Variants in ST6GAL1 observed in about 807,000 individuals in gnomAD.
ST6GAL1 encodes the protein ST6 beta-galactoside alpha-2,6-sialyltransferase 1.
In ST6GAL1, 20 loss-of-function variants were observed where a neutral mutation model predicts 38.0. That is an observed-to-expected ratio of 0.53 (90% CI 0.37 to 0.77). ST6GAL1 has a LOEUF of 0.77. ST6GAL1 is among the 30% of genes least tolerant of loss of function. The pLI, the probability that ST6GAL1 is intolerant of heterozygous loss-of-function variation, is 0.00. For missense variants in ST6GAL1, 432 were observed against 496.4 expected (o/e 0.87, Z 1.23); for synonymous variants, 196 against 188.2 (o/e 1.04, Z -0.34).
intron 2 of ST6GAL1, among the ~76,000 whole-genome samples, chr3:187,038,035 T>G (rs1717989556): frequency 6.6e-6 from 1 of 152,012 alleles, no homozygotes; most frequent in South Asian, 2.1e-4. Context: ...TCTTTGAAAA[T>G]AAATAATTTT....
intron 2 of ST6GAL1, among the ~76,000 whole-genome samples, chr3:186,990,564 G>C (rs1468053392): frequency 6.6e-6 from 1 of 151,868 alleles, no homozygotes; most frequent in Non-Finnish European, 1.5e-5. Flanking sequence ...CTTGGCTGGG[G>C]CTGAGGAGAG....
intron 1 of ST6GAL1, among the ~76,000 whole-genome samples, chr3:186,959,561 A>T (rs1389506600): frequency 7.2e-5 from 11 of 152,266 alleles, no homozygotes; most frequent in Non-Finnish European, 1.6e-4. Flanking sequence ...TATGGTGAAT[A>T]TTATTAGGTC....
chr3:187,009,186 T>C (rs1716878411), intron 2 of ST6GAL1, among the ~76,000 whole-genome samples: 1 of 151,552 alleles, frequency 6.6e-6, no homozygotes, highest in Non-Finnish European at 1.5e-5. Flanking sequence ...ATTTATTCAA[T>C]CTATATTGTG....
intron 2 of ST6GAL1, among the ~76,000 whole-genome samples, chr3:187,000,613 G>A (rs1716586350): frequency 6.6e-6 from 1 of 152,088 alleles, no homozygotes; most frequent in Non-Finnish European, 1.5e-5. Context: ...TCTTTATAGT[G>A]CATGTCTTTT....
At chr3:187,022,054 T>G (rs1717327493) in intron 2 of ST6GAL1, 1 of 152,208 alleles carries the variant, frequency 6.6e-6, no homozygotes, top group African/African-American at 2.4e-5. Context: ...GCAAATTAAT[T>G]GAACCCACGG....
At chr3:186,963,305 A>C (rs889229863) in intron 1 of ST6GAL1, among the ~76,000 whole-genome samples, 3 of 152,096 alleles carry the variant, frequency 2.0e-5, no homozygotes, top group African/African-American at 7.2e-5. Context: ...GCTCACTGCA[A>C]CCTCCGCCTC....
intron 4 of ST6GAL1, among the ~76,000 whole-genome samples, chr3:187,044,306 G>C (rs1463739553): frequency 3.3e-5 from 5 of 152,206 alleles, no homozygotes; most frequent in East Asian, 1.9e-4. Context: ...TCCTCTGTCA[G>C]CCTGGAGGTA....
chr3:187,071,844 C>T (rs1719391981), intron 5 of ST6GAL1: 1 of 150,426 alleles, frequency 6.6e-6, no homozygotes, highest in East Asian at 2.0e-4. Context: ...TGCTCAAGAT[C>T]ATAGGAAAGT....
chr3:187,040,197 T>G (rs777257174), intron 3 of ST6GAL1, among the ~76,000 whole-genome samples: 8 of 152,248 alleles, frequency 5.3e-5, no homozygotes, highest in Non-Finnish European at 8.8e-5. Context: ...TCATAAAATC[T>G]GCTGTGCTTA....
At chr3:187,001,253 A>G (rs16861432) in intron 2 of ST6GAL1, among the ~76,000 whole-genome samples, 28,434 of 152,166 alleles carry the variant, frequency 0.19, 2,707 homozygotes, top group African/African-American at 0.21. Context: ...GTCACTTTCC[A>G]TACCCTCCAC....
chr3:186,957,903 C>G (rs1714800398), intron 1 of ST6GAL1, among the ~76,000 whole-genome samples: 1 of 152,060 alleles, frequency 6.6e-6, no homozygotes, highest in South Asian at 2.1e-4. Context: ...TCCCACACAG[C>G]CTTTTTTGAG....
At chr3:186,992,230 T>C (rs1213463844) in intron 2 of ST6GAL1, among the ~76,000 whole-genome samples, 1 of 152,112 alleles carries the variant, frequency 6.6e-6, no homozygotes, top group Admixed American at 6.5e-5. Context: ...GTTTCCCCCA[T>C]GCTGTTCTCA....
At chr3:186,953,761 A>G (rs548321513) in intron 1 of ST6GAL1, among the ~76,000 whole-genome samples, 1 of 152,154 alleles carries the variant, frequency 6.6e-6, no homozygotes, top group South Asian at 2.1e-4. Context: ...TTTCAAAATT[A>G]GTTGGAATAA....
chr3:187,047,910 A>C (rs1218932599), intron 4 of ST6GAL1, among the ~76,000 whole-genome samples: 1 of 151,534 alleles, frequency 6.6e-6, no homozygotes, highest in Non-Finnish European at 1.5e-5. Flanking sequence ...TCCTCAAAAA[A>C]GTTTTCTCCT....
intron 2 of ST6GAL1, among the ~76,000 whole-genome samples, chr3:187,014,253 C>G (rs1717051919): frequency 6.6e-6 from 1 of 152,200 alleles, no homozygotes; most frequent in Non-Finnish European, 1.5e-5. Context: ...AAGCCGGGAT[C>G]CAAATCTAGA....
chr3:186,933,379 C>T (rs1713829260), intron 1 of ST6GAL1, among the ~76,000 whole-genome samples: 1 of 152,200 alleles, frequency 6.6e-6, no homozygotes, highest in African/African-American at 2.4e-5. Context: ...AAATTCTTAT[C>T]TGCCTTCCTC....
At chr3:187,067,665 A>G (rs759949210) in intron 5 of ST6GAL1, among the ~76,000 whole-genome samples, 7 of 152,132 alleles carry the variant, frequency 4.6e-5, no homozygotes, top group Non-Finnish European at 1.0e-4. Flanking sequence ...CATTGGATAC[A>G]GGAAGACTGA....
intron 2 of ST6GAL1, among the ~76,000 whole-genome samples, chr3:187,022,401 T>A (rs1717355612): frequency 6.6e-6 from 1 of 152,088 alleles, no homozygotes; most frequent in Admixed American, 6.5e-5. Context: ...CTTACAAGTC[T>A]TAAGTGCGTT....
intron 4 of ST6GAL1, among the ~76,000 whole-genome samples, chr3:187,044,309 T>C (rs1422215158): frequency 6.6e-6 from 1 of 152,214 alleles, no homozygotes; most frequent in Non-Finnish European, 1.5e-5. Flanking sequence ...TCTGTCAGCC[T>C]GGAGGTACTG....
Sources: allele counts gnomAD v4.1 joint callset (sites outside exome capture counted in the v4.1 genomes callset), GRCh38; gene constraint gnomAD v4.1.1; transcripts MANE v1.5; gene names NCBI Gene and HGNC (gene_info 2026-07-23, HGNC 2026-07-21).